The following CKMT2 variants were observed in gnomAD, a reference collection of about 807,000 sequenced individuals.
CKMT2 encodes the protein creatine kinase S-type, mitochondrial.
In CKMT2, 43 loss-of-function variants were observed where a neutral mutation model predicts 48.9. That is an observed-to-expected ratio of 0.88 (90% CI 0.69 to 1.13). The LOEUF is 1.13. Among genes scored for constraint, CKMT2 ranks in the 50% most tolerant of loss-of-function variants. The probability of loss-of-function intolerance (pLI) is 0.00; values close to 1 mark genes in which losing one functional copy is unlikely to be tolerated. For synonymous variants in CKMT2, 206 were observed against 213.0 expected (o/e 0.97, Z 0.29); for missense variants, 472 against 555.4 (o/e 0.85, Z 1.51).
At chr5:81,254,340 T>C in intron 3 of CKMT2, 56 bp from the exon 4 acceptor site, 2 of 1,460,766 alleles carry the variant, frequency 1.4e-6, no homozygotes, top group Middle Eastern at 1.7e-4. Flanking sequence ...AATGGAAAGG[T>C]CTTTAAATAG....
chr5:81,259,111 T>C lies in CKMT2; in HGVS notation c.880-9T>C. ...TGCTGTCATTTGTTCACTGTGGTTC[T>C]ACTTGTAGGTAGAACGGTTAATCCA... is the stretch of plus-strand genomic sequence containing the variant. On this transcript the variant is annotated splice_polypyrimidine_tract_variant and intron_variant, in intron 7 of 9. Coordinates refer to ENST00000254035, the MANE Select transcript of CKMT2 (RefSeq NM_001099735.2). The C allele has an allele frequency of 4.4e-6, 7 of 1,608,946 alleles. No homozygotes were observed. Among genetic ancestry groups the C allele is most frequent in the Non-Finnish European group, 5.1e-6 (6 of 1,177,338 alleles).
In CKMT2 at chr5:81,239,846, C is replaced by T. The variant is rs140674929; in HGVS notation, c.-21+6469C>T. Reference sequence around the variant, plus strand: ...TGGCCAGAATCCCAGCGCTGCCACTCACAAACCATGTGGTCCTGGGTGAGT... The same window carrying T: ...TGGCCAGAATCCCAGCGCTGCCACTTACAAACCATGTGGTCCTGGGTGAGT... On this transcript the variant is annotated intron_variant, in intron 1 of 9. Coordinates refer to ENST00000254035, the MANE Select transcript of CKMT2 (RefSeq NM_001099735.2). Among the ~76,000 whole-genome samples, 14 of 152,252 alleles carry T rather than the reference C, an allele frequency of 9.2e-5. No homozygotes were observed. The East Asian group carries it at 2.7e-3, about 29-fold the overall frequency.
At chr5:81,241,625 A>G (rs959823715) in intron 1 of CKMT2, among the ~76,000 whole-genome samples, 1 of 152,214 alleles carries the variant, frequency 6.6e-6, no homozygotes, top group Non-Finnish European at 1.5e-5. Flanking sequence ...GCGAACACAA[A>G]TGGTCACCAG....
rs140261366 is a variant in CKMT2 at position 81,247,307 on chromosome 5, C to T, written c.-20-3806C>T. 8.1e-3 allele frequency among the ~76,000 whole-genome samples: 1,241 copies of T among 152,294 alleles called. 26 individuals carry two copies. The highest frequency in any genetic ancestry group is 0.028 in the African/African-American group (1,183 of 41,558). On this transcript the variant is annotated intron_variant, in intron 1 of 9. Coordinates refer to ENST00000254035, the MANE Select transcript of CKMT2 (RefSeq NM_001099735.2). ...TCACAAGATATACTGACTTATAAAA[C>T]CATGTTTGGAAACTAGGCAAAACCA...
intron 3 of CKMT2, 45 bp from the exon 4 acceptor site, chr5:81,254,351 T>G (rs769347955): frequency 3.3e-6 from 5 of 1,513,000 alleles, no homozygotes; most frequent in Middle Eastern, 1.7e-4. Context: ...CTTTAAATAG[T>G]AGGTGAACCA....
At chr5:81,257,148 G>A (rs1229153011) in intron 6 of CKMT2, 148 bp downstream of exon 6, 1 of 179,764 alleles carries the variant, frequency 5.6e-6, no homozygotes, top group East Asian at 5.3e-5. Context: ...GAAAGTGTGT[G>A]TGTGTGTGTG....
At chr5:81,262,733 G>C (rs977286368) in intron 8 of CKMT2, among the ~76,000 whole-genome samples, 1 of 152,200 alleles carries the variant, frequency 6.6e-6, no homozygotes, top group Non-Finnish European at 1.5e-5. Context: ...GTTGGTGGGA[G>C]TGTAAATTAG....
chr5:81,237,503 A>T (rs958188020), intron 1 of CKMT2: 1 of 138,582 alleles, frequency 7.2e-6, no homozygotes, highest in African/African-American at 2.7e-5. Flanking sequence ...CCACTCTTGG[A>T]GAGACTCATT....
chr5:81,240,264 A>T (rs1313258115), intron 1 of CKMT2, among the ~76,000 whole-genome samples: 1 of 152,144 alleles, frequency 6.6e-6, no homozygotes, highest in Non-Finnish European at 1.5e-5. Context: ...TTTTGGCCCC[A>T]TACTTAGCCT....
intron 8 of CKMT2, among the ~76,000 whole-genome samples, chr5:81,259,817 G>A (rs188682086): frequency 1.3e-5 from 2 of 152,226 alleles, no homozygotes; most frequent in Admixed American, 1.3e-4. Flanking sequence ...AGATCAACCA[G>A]ACAAAATTAA....
intron 9 of CKMT2, among the ~76,000 whole-genome samples, chr5:81,264,247 A>T (rs1404086250): frequency 6.6e-6 from 1 of 152,238 alleles, no homozygotes; most frequent in Non-Finnish European, 1.5e-5. Flanking sequence ...ATCACATGTA[A>T]GGAACATGCA....
At chr5:81,242,270 C>CAT (rs2112786475) in intron 1 of CKMT2, 1 of 286,654 alleles carries the variant, frequency 3.5e-6, no homozygotes, top group South Asian at 3.8e-5. Context: ...TGTGTCACAT[C>CAT]ATATAAGTAG....
intron 9 of CKMT2, 27 bp from the exon 10 acceptor site, chr5:81,266,112 A>T (rs1580463190): frequency 6.2e-7 from 1 of 1,607,720 alleles, no homozygotes; most frequent in South Asian, 1.1e-5. Context: ...TATTCAAATT[A>T]ATCATTCATC....
chr5:81,262,338 A>C (rs1203183773), intron 8 of CKMT2, among the ~76,000 whole-genome samples: 1 of 152,240 alleles, frequency 6.6e-6, no homozygotes, highest in Non-Finnish European at 1.5e-5. Context: ...CAGAATTGAC[A>C]AATGGGATCT....
intron 8 of CKMT2, 29 bp from the exon 9 acceptor site, chr5:81,263,462 C>T (rs779311742): frequency 7.9e-6 from 12 of 1,514,724 alleles, no homozygotes; most frequent in African/African-American, 2.8e-5. Context: ...TGCCTCTTAG[C>T]ACATTTAAGT....
chr5:81,263,345 A>T (rs1284285603), intron 8 of CKMT2, 146 bp from the exon 9 acceptor site: 1 of 212,806 alleles, frequency 4.7e-6, no homozygotes, highest in African/African-American at 2.4e-5. Context: ...TTCAATATAT[A>T]TATCTATTAT....
At chr5:81,255,356 A>C in intron 5 of CKMT2, 142 bp downstream of exon 5, 1 of 697,638 alleles carries the variant, frequency 1.4e-6, no homozygotes, top group Non-Finnish European at 2.5e-6. Flanking sequence ...GCCCAAGAGC[A>C]TCTACTTATT....
In CKMT2 at chr5:81,251,200, C is replaced by T. The variant is rs1159821916; in HGVS notation, c.68C>T (p.Thr23Ile). Residue 23 changes from threonine (T) to isoleucine (I), a missense_variant, in exon 2 of 10, where the codon ACC becomes ATC. Coordinates refer to ENST00000254035, the MANE Select transcript of CKMT2 (RefSeq NM_001099735.2). ...TCTCTGCTGTTTGCTACCATGGGCACCAGTGTCCTGACCACCGGGTACCTG... is the reference window on the plus strand; with the variant it reads ...TCTCTGCTGTTTGCTACCATGGGCATCAGTGTCCTGACCACCGGGTACCTG... ...NASLLFATMGTSVLTTGYLLN... is the reference protein window; with the variant it reads ...NASLLFATMGISVLTTGYLLN... The T allele has an allele frequency of 6.2e-7, 1 of 1,614,114 alleles. No individual in the cohort carries two copies. Among genetic ancestry groups the T allele is most frequent in the Non-Finnish European group, 8.5e-7 (1 of 1,180,014 alleles).
chr5:81,256,118 T>G (rs780578639), intron 5 of CKMT2, among the ~76,000 whole-genome samples: 2 of 152,198 alleles, frequency 1.3e-5, no homozygotes, highest in Non-Finnish European at 2.9e-5. Context: ...TATTTGAATA[T>G]ATCTCTCTGT....
Sources: allele counts gnomAD v4.1 joint callset (sites outside exome capture counted in the v4.1 genomes callset), GRCh38; gene constraint gnomAD v4.1.1; transcripts MANE v1.5; gene names NCBI Gene and HGNC (gene_info 2026-07-23, HGNC 2026-07-21).